Variants in NRP1 observed in about 807,000 individuals in gnomAD.
NRP1 encodes the protein neuropilin 1, also known as neuropilin-1.
A neutral mutation model predicts 106.7 loss-of-function variants in NRP1; 35 were observed. That is an observed-to-expected ratio of 0.33 (90% CI 0.25 to 0.43). NRP1 has a LOEUF of 0.43. NRP1 is among the 20% of genes least tolerant of loss of function. NRP1 has a pLI of 1.00. For synonymous variants in NRP1, 437 were observed against 417.9 expected, an observed-to-expected ratio of 1.05 and a Z score of -0.56; for missense variants, 1,024 against 1,170.4, an observed-to-expected ratio of 0.87 and a Z score of 1.83.
chr10:33,296,865 C>T (rs887884486), intron 2 of NRP1, among the ~76,000 whole-genome samples: 2 of 151,964 alleles, frequency 1.3e-5, no homozygotes, highest in Admixed American at 6.6e-5. Context: ...CCCGCCTCTA[C>T]TAAAAATACA....
chr10:33,229,678 G>T (rs1013195160), intron 6 of NRP1, among the ~76,000 whole-genome samples: 1 of 152,040 alleles, frequency 6.6e-6, no homozygotes, highest in Non-Finnish European at 1.5e-5. Context: ...GAAGTTAACT[G>T]GTGATCAAAC....
At chr10:33,282,562 A>G (rs1844218391) in intron 2 of NRP1, among the ~76,000 whole-genome samples, 2 of 152,140 alleles carry the variant, frequency 1.3e-5, no homozygotes, top group East Asian at 1.9e-4. Flanking sequence ...CTACCATAGA[A>G]CCTTTTCAGC....
In NRP1 at chr10:33,192,350, G is replaced by A; in HGVS notation, c.1993C>T (p.His665Tyr). ...GSHKTFCHWEHDNHVQLKWSV... is the reference protein window; with the variant it reads ...GSHKTFCHWEYDNHVQLKWSV... ...CACTTGAGCTGCACGTGATTGTCAT[G>A]TTCCCAGTGGCAGAAGGTCTTGTGA... The change falls in exon 13 of 17, where the codon CAT becomes TAT. Residue 665 changes from histidine (H) to tyrosine (Y), a missense_variant. His to Tyr is a moderately conservative substitution (Grantham distance 83). Coordinates refer to ENST00000374867, the MANE Select transcript of NRP1 (RefSeq NM_003873.7). The A allele has an allele frequency of 1.2e-6, 2 of 1,613,884 alleles. No homozygotes were observed. The highest frequency in any genetic ancestry group is 1.7e-6 in the Non-Finnish European group (2 of 1,179,872).
chr10:33,190,260 A>G (rs1434421632), intron 13 of NRP1, among the ~76,000 whole-genome samples: 1 of 152,168 alleles, frequency 6.6e-6, no homozygotes, highest in African/African-American at 2.4e-5. Flanking sequence ...GTCAGATCCT[A>G]CTGAGCCATT....
intron 10 of NRP1, chr10:33,205,840 C>T (rs867181286): frequency 1.8e-4 from 33 of 179,732 alleles, no homozygotes; most frequent in Middle Eastern, 5.1e-3. Flanking sequence ...TCATTTTTTT[C>T]CCCCTAAACC....
intron 2 of NRP1, among the ~76,000 whole-genome samples, chr10:33,279,928 C>A (rs575591913): frequency 6.6e-6 from 1 of 152,244 alleles, no homozygotes; most frequent in South Asian, 2.1e-4. Context: ...AGCTCTGAGC[C>A]TATAGGCATT....
In NRP1 at chr10:33,316,149, A is replaced by C. The variant is rs144261138; in HGVS notation, c.248+14559T>G. ...TGAGCAGAGGGCAAGAAGGAGGAAAACCTCTTCTGGAGGCTGATGCAATCG... is the reference window on the plus strand; with the variant it reads ...TGAGCAGAGGGCAAGAAGGAGGAAACCCTCTTCTGGAGGCTGATGCAATCG... On this transcript the variant is annotated intron_variant, in intron 2 of 16. Transcript: ENST00000374867. Among the ~76,000 whole-genome samples, 4 of 152,150 alleles carry C rather than the reference A, an allele frequency of 2.6e-5. No homozygotes were observed. In the East Asian group the frequency reaches 5.8e-4, roughly 22 times the overall value.
intron 2 of NRP1, 142 bp downstream of exon 2, chr10:33,330,566 C>T: frequency 1.7e-6 from 1 of 581,692 alleles, no homozygotes; most frequent in Non-Finnish European, 2.7e-6. Context: ...ATTTCCATAC[C>T]ATTGACATAT....
intron 1 of NRP1, among the ~76,000 whole-genome samples, chr10:33,333,281 T>C (rs1380659177): frequency 6.6e-6 from 1 of 152,174 alleles, no homozygotes; most frequent in Non-Finnish European, 1.5e-5. Flanking sequence ...AAAATACTGC[T>C]TGGTAGCTGC....
chr10:33,238,155 G>A (rs1840727358), intron 6 of NRP1, among the ~76,000 whole-genome samples: 1 of 152,228 alleles, frequency 6.6e-6, no homozygotes, highest in African/African-American at 2.4e-5. Context: ...TCCTGGGAAT[G>A]AGACAAAACC....
chr10:33,230,637 GTA>G (rs1491050095), intron 6 of NRP1, among the ~76,000 whole-genome samples: 3 of 140,086 alleles, frequency 2.1e-5, no homozygotes, highest in Non-Finnish European at 1.6e-5. Context: ...GTGTGTGTGT[GTA>G]TGTATCTCCT....
chr10:33,232,180 A>G (rs1840189979), intron 6 of NRP1, among the ~76,000 whole-genome samples: 1 of 152,138 alleles, frequency 6.6e-6, no homozygotes, highest in South Asian at 2.1e-4. Flanking sequence ...CACAACCCAG[A>G]GTACTTCTAC....
In NRP1 at chr10:33,333,442, G is replaced by A. The variant is rs572833688; in HGVS notation, c.73+868C>T. 7.2e-5 allele frequency among the ~76,000 whole-genome samples: 11 copies of A among 152,298 alleles called. No homozygotes were observed. The South Asian group carries it at 2.1e-3, about 29-fold the overall frequency. ...AAACAATATACCACAGTAAGTAGTG[G>A]ATGTTCTTTTCTTCTAATTACTGTG... is the stretch of plus-strand genomic sequence containing the variant. On this transcript the variant is annotated intron_variant, in intron 1 of 16. Transcript: ENST00000374867.
At chr10:33,197,605 A>G (rs768326830) in intron 12 of NRP1, 45 bp downstream of exon 12, 1 of 1,501,728 alleles carries the variant, frequency 6.7e-7, no homozygotes, top group Non-Finnish European at 9.1e-7. Flanking sequence ...CGCGGAGAGA[A>G]GAGAGGTACA....
At chr10:33,231,603 A>G (rs1564405149) in intron 6 of NRP1, among the ~76,000 whole-genome samples, 1 of 152,190 alleles carries the variant, frequency 6.6e-6, no homozygotes, top group Non-Finnish European at 1.5e-5. Flanking sequence ...CTGGATTAAC[A>G]TTATCAGCGG....
chr10:33,190,744 G>A (rs932209410), intron 13 of NRP1, among the ~76,000 whole-genome samples: 1 of 152,160 alleles, frequency 6.6e-6, no homozygotes, highest in Non-Finnish European at 1.5e-5. Flanking sequence ...GGGTGCAGAA[G>A]TTCATGGATT....
intron 4 of NRP1, among the ~76,000 whole-genome samples, chr10:33,262,268 T>A (rs920371734): frequency 2.0e-5 from 3 of 152,224 alleles, no homozygotes; most frequent in African/African-American, 7.2e-5. Context: ...ATTATCCCCC[T>A]CTGTTCAGAA....
intron 2 of NRP1, among the ~76,000 whole-genome samples, chr10:33,281,902 G>A (rs533933868): frequency 7.2e-4 from 110 of 152,260 alleles, no homozygotes; most frequent in African/African-American, 2.5e-3. Context: ...GTCAAAACAG[G>A]CTATAGTGTA....
chr10:33,181,728 G>A (rs1415773547), intron 16 of NRP1, among the ~76,000 whole-genome samples: 1 of 152,244 alleles, frequency 6.6e-6, no homozygotes, highest in African/African-American at 2.4e-5. Context: ...AATTAGCTAT[G>A]CTACTTAAGT....
Sources: gnomAD v4.1 joint callset for allele counts (sites outside exome capture counted in the v4.1 genomes callset) on GRCh38, gnomAD v4.1.1 for gene constraint, MANE v1.5 for transcripts, NCBI Gene and HGNC (gene_info 2026-07-23, HGNC 2026-07-21) for gene names.